The following TPCN2 variants were observed in gnomAD, a reference collection of about 807,000 sequenced individuals.
The protein encoded by TPCN2 is two pore channel protein 2.
TPCN2 carries 92 observed loss-of-function variants against 111.4 expected under a neutral mutation model. The observed-to-expected ratio is 0.83, with a 90% confidence interval of 0.70 to 0.98. TPCN2 has a LOEUF of 0.98. Ranked by LOEUF, TPCN2 falls within the 50% of genes least tolerant of loss-of-function variation. TPCN2 has a pLI of 0.00. For synonymous variants in TPCN2, 405 were observed against 414.5 expected (o/e 0.98, Z 0.28); for missense variants, 995 against 980.1 (o/e 1.02, Z -0.20).
At chr11:69,080,248 G>A (rs1303276310) in intron 17 of TPCN2, among the ~76,000 whole-genome samples, 1 of 152,254 alleles carries the variant, frequency 6.6e-6, no homozygotes, top group African/African-American at 2.4e-5. Flanking sequence ...CTGGGATTCG[G>A]CTGGGCCCCT....
At chr11:69,080,936 T>TGGGGTC (rs1362664520) in intron 17 of TPCN2, among the ~76,000 whole-genome samples, 1 of 151,416 alleles carries the variant, frequency 6.6e-6, no homozygotes, top group African/African-American at 2.4e-5. Flanking sequence ...GGGTCAGGGA[T>TGGGGTC]GGGGTCAGGG....
intron 5 of TPCN2, among the ~76,000 whole-genome samples, chr11:69,061,332 C>T (rs899458253): frequency 4.6e-5 from 7 of 152,162 alleles, no homozygotes; most frequent in South Asian, 2.1e-4. Flanking sequence ...GGGCCTGTTC[C>T]GTGGACCCCG....
At chr11:69,085,423 A>T in intron 20 of TPCN2, 137 bp downstream of exon 20, 1 of 860,934 alleles carries the variant, frequency 1.2e-6, no homozygotes, top group Non-Finnish European at 1.9e-6. Context: ...TCCTCCCTCC[A>T]CCCCCTTTTC....
chr11:69,072,083 G>T, intron 11 of TPCN2, 60 bp downstream of exon 11: 1 of 1,449,896 alleles, frequency 6.9e-7, no homozygotes, highest in Non-Finnish European at 9.6e-7. Flanking sequence ...TGCTGGGCAG[G>T]GGCCGGGTGT....
intron 22 of TPCN2, 21 bp from the exon 23 acceptor site, chr11:69,086,502 G>A (rs765688706): frequency 1.1e-5 from 17 of 1,609,280 alleles, no homozygotes; most frequent in Non-Finnish European, 1.4e-5. Context: ...GGTTCACAGG[G>A]TGGGTCTCTG....
intron 19 of TPCN2, 120 bp from the exon 20 acceptor site, chr11:69,085,090 C>A: frequency 2.0e-6 from 2 of 1,013,234 alleles, no homozygotes; most frequent in Non-Finnish European, 3.1e-6. Flanking sequence ...GGAATCCCAG[C>A]CCTGGGCAGA....
intron 18 of TPCN2, 74 bp downstream of exon 18, chr11:69,081,573 C>A: frequency 1.7e-6 from 2 of 1,194,562 alleles, no homozygotes; most frequent in South Asian, 1.4e-5. Context: ...GGTGGGTGAG[C>A]CTGGGGCAGG....
At chr11:69,070,578 T>C in intron 9 of TPCN2, 83 bp downstream of exon 9, 1 of 1,044,232 alleles carries the variant, frequency 9.6e-7, no homozygotes, top group Non-Finnish European at 1.4e-6. Flanking sequence ...CTCCACGACC[T>C]GAAACTTCAC....
intron 4 of TPCN2, 123 bp downstream of exon 4, chr11:69,055,475 C>A: frequency 9.4e-7 from 1 of 1,066,524 alleles, no homozygotes; most frequent in Non-Finnish European, 1.3e-6. Flanking sequence ...GTACTTTGAC[C>A]CGGTGAGCAA....
chr11:69,057,113 C>T (rs1182016309), intron 4 of TPCN2, among the ~76,000 whole-genome samples: 1 of 152,256 alleles, frequency 6.6e-6, no homozygotes, highest in Non-Finnish European at 1.5e-5. Context: ...GCTGGGATTA[C>T]AGGCGTGAGC....
At position 69,078,986 on chromosome 11, in the gene TPCN2, A is replaced by G. The variant is rs768656470; in HGVS notation, c.1505A>G (p.Asn502Ser). The change falls in exon 16 of 25, where the codon AAC (asparagine) becomes AGC (serine). Residue 502 changes from asparagine to serine, a missense_variant. Asn to Ser is a conservative substitution (Grantham distance 46). Transcript: ENST00000294309. Reference sequence around the variant, plus strand: ...CGAGGGTACCTGTCCTACCCCAGCAACGTGTTTGACGGGCTCCTCACCGTT... The same window carrying G: ...CGAGGGTACCTGTCCTACCCCAGCAGCGTGTTTGACGGGCTCCTCACCGTT... ...GLRGYLSYPS[N>S]VFDGLLTVVL... The G allele has an allele frequency of 1.3e-5, 21 of 1,613,408 alleles. No individual in the cohort carries two copies. Among genetic ancestry groups the G allele is most frequent in the Middle Eastern group, 1.6e-4 (1 of 6,080 alleles).
At chr11:69,086,099 C>A (rs564848193) in intron 22 of TPCN2, among the ~76,000 whole-genome samples, 169 bp downstream of exon 22, 1 of 152,232 alleles carries the variant, frequency 6.6e-6, no homozygotes, top group Admixed American at 6.5e-5. Flanking sequence ...TTGTCCCTGC[C>A]CCCTGCATAG....
intron 22 of TPCN2, 139 bp downstream of exon 22, chr11:69,086,069 G>C: frequency 1.2e-6 from 1 of 818,066 alleles, no homozygotes; most frequent in South Asian, 1.5e-5. Context: ...AAGTCGGCCA[G>C]CGTGGCATCC....
At chr11:69,082,387 GATACA>G (rs1856053935) in intron 18 of TPCN2, among the ~76,000 whole-genome samples, 1 of 152,216 alleles carries the variant, frequency 6.6e-6, no homozygotes, top group African/African-American at 2.4e-5. Flanking sequence ...ATCATGTTTG[GATACA>G]ATACACATCA....
At chr11:69,051,068 C>T (rs117929196) in intron 1 of TPCN2, among the ~76,000 whole-genome samples, 214 of 152,336 alleles carry the variant, frequency 1.4e-3, no homozygotes, top group Non-Finnish European at 2.1e-3. Context: ...TGTGCTGAGG[C>T]CTGTGCCAGG....
Position 69,057,632 on chromosome 11 carries a change from C to G in TPCN2, c.484C>G (p.Leu162Val). The change falls in exon 5 of 25, where the codon CTC becomes GTC. Residue 162 changes from leucine (L) to valine (V), a missense_variant. Leu to Val is a conservative substitution (Grantham distance 32). Transcript: ENST00000294309. ...GAAAAACCTTTGGCTGCTGGGCTAC[C>G]TCGTGGTGCTGGTGGTGTCTCTGGT... The part of the protein sequence containing the change: ...FQKNLWLLGY[L>V]VVLVVSLVDW... 1 of 1,614,222 alleles carries G rather than the reference C, an allele frequency of 6.2e-7. No individual in the cohort carries two copies. The highest frequency in any genetic ancestry group is 8.5e-7 in the Non-Finnish European group (1 of 1,180,034).
At chr11:69,072,064 T>C (rs2134589897) in intron 11 of TPCN2, 41 bp downstream of exon 11, 1 of 1,541,260 alleles carries the variant, frequency 6.5e-7, no homozygotes. Flanking sequence ...TGAGGGTGGG[T>C]GCTGTGGCTG....
Position 69,078,498 on chromosome 11 carries a change from A to G in TPCN2, c.1247A>G (p.Glu416Gly). The G allele has an allele frequency of 6.2e-7, 1 of 1,614,096 alleles. No homozygotes were observed. The highest frequency in any genetic ancestry group is 8.5e-7 in the Non-Finnish European group (1 of 1,180,030). The change falls in exon 14 of 25, where the codon GAG (glutamate) becomes GGG (glycine). Residue 416 changes from glutamate to glycine, a missense_variant. Transcript: ENST00000294309. ...CTTGCCCAGCACCCGCCGAGGCCCG[A>G]GTACCAGTCTCCGTTTCTGCAGAGC... is the stretch of plus-strand genomic sequence containing the variant. ...SVVKEHPPRP[E>G]YQSPFLQSAQ...
chr11:69,054,811 C>T lies in TPCN2; in HGVS notation c.251+14C>T, dbSNP rs1484759768. 3 of 1,611,882 alleles carry T rather than the reference C, an allele frequency of 1.9e-6. No individual in the cohort carries two copies. Among genetic ancestry groups the T allele is most frequent in the Non-Finnish European group, 2.5e-6 (3 of 1,178,274 alleles). On this transcript the variant is annotated intron_variant, in intron 3 of 24. Coordinates refer to ENST00000294309, the MANE Select transcript of TPCN2 (RefSeq NM_139075.4). ...CGTATGCCAACGGTGAGAACGCACC[C>T]ATGTGGAACTCAGGGTTCCTGCCGG...
Sources: gnomAD v4.1 joint callset for allele counts (sites outside exome capture counted in the v4.1 genomes callset) on GRCh38, gnomAD v4.1.1 for gene constraint, MANE v1.5 for transcripts, NCBI Gene and HGNC (gene_info 2026-07-23, HGNC 2026-07-21) for gene names.